The following ROBO1 variants were observed in gnomAD, a reference collection of about 807,000 sequenced individuals.
The protein encoded by ROBO1 is roundabout guidance receptor 1.
A neutral mutation model predicts 195.9 loss-of-function variants in ROBO1; 149 were observed. The ratio of observed to expected loss-of-function variants is 0.76; its 90% CI spans 0.67 to 0.87. The LOEUF (loss-of-function observed/expected upper bound fraction) is 0.87. ROBO1 is among the 40% of genes least tolerant of loss of function. The pLI is 0.00. For missense variants in ROBO1, 1,933 were observed against 2,068.3 expected (o/e 0.93, Z 1.27); for synonymous variants, 816 against 733.2 (o/e 1.11, Z -1.82).
chr3:79,340,220 C>A (rs1010049811), intron 2 of ROBO1, among the ~76,000 whole-genome samples: 4 of 152,202 alleles, frequency 2.6e-5, no homozygotes, highest in Admixed American at 1.3e-4. Flanking sequence ...AGATACTGAA[C>A]TGCCTCAATC....
intron 5 of ROBO1, among the ~76,000 whole-genome samples, chr3:78,726,902 A>G (rs1216892867): frequency 6.6e-6 from 1 of 152,192 alleles, no homozygotes; most frequent in Non-Finnish European, 1.5e-5. Context: ...AACAACAACA[A>G]CAACAACAGT....
At chr3:79,360,552 G>A (rs570214408) in intron 2 of ROBO1, among the ~76,000 whole-genome samples, 2 of 152,062 alleles carry the variant, frequency 1.3e-5, no homozygotes, top group East Asian at 3.9e-4. Flanking sequence ...TAATAACAAT[G>A]ACATTGATGA....
rs2107420594 is a variant in ROBO1 at position 78,896,314 on chromosome 3, C to A, written c.499+42287G>T. 2.0e-5 allele frequency among the ~76,000 whole-genome samples: 3 copies of A among 152,190 alleles called. No individual in the cohort carries two copies. The South Asian group carries it at 6.2e-4, about 32-fold the overall frequency. On this transcript the variant is annotated intron_variant, in intron 4 of 30. Transcript: ENST00000464233. The stretch of plus-strand genomic sequence containing the variant: ...GCTAAGCCATCATATCCCCAGTGAC[C>A]TGCACCTATACATCCAGATGGCCTG...
At chr3:79,511,568 A>G (rs1268413087) in intron 2 of ROBO1, among the ~76,000 whole-genome samples, 1 of 152,172 alleles carries the variant, frequency 6.6e-6, no homozygotes, top group East Asian at 1.9e-4. Flanking sequence ...GCTTAAATAT[A>G]AAAGTTTATT....
intron 3 of ROBO1, among the ~76,000 whole-genome samples, chr3:78,965,960 T>G (rs1211638323): frequency 6.6e-6 from 1 of 152,230 alleles, no homozygotes; most frequent in Non-Finnish European, 1.5e-5. Context: ...TATCTTTAAA[T>G]GCAACAAGCA....
chr3:79,150,028 T>TC (rs2108635575), intron 2 of ROBO1, among the ~76,000 whole-genome samples: 1 of 151,842 alleles, frequency 6.6e-6, no homozygotes, highest in Admixed American at 6.6e-5. Context: ...TATCACTGGG[T>TC]CCTTGTGGAG....
chr3:78,945,452 G>C (rs1216565298), intron 3 of ROBO1, among the ~76,000 whole-genome samples: 1 of 152,160 alleles, frequency 6.6e-6, no homozygotes, highest in Non-Finnish European at 1.5e-5. Context: ...ACCTGCAGCT[G>C]AGGGTCCTGT....
At chr3:79,738,354 T>C (rs1703476856) in intron 1 of ROBO1, among the ~76,000 whole-genome samples, 1 of 152,210 alleles carries the variant, frequency 6.6e-6, no homozygotes, top group African/African-American at 2.4e-5. Context: ...TCTGAATTTT[T>C]ATCTAACACA....
chr3:79,502,381 G>C (rs1027323581), intron 2 of ROBO1, among the ~76,000 whole-genome samples: 1 of 152,196 alleles, frequency 6.6e-6, no homozygotes, highest in African/African-American at 2.4e-5. Context: ...CGGGCAGTGA[G>C]GGGCTTAGCA....
intron 14 of ROBO1, among the ~76,000 whole-genome samples, chr3:78,664,676 A>G (rs1340874332): frequency 1.3e-5 from 2 of 152,170 alleles, no homozygotes; most frequent in Non-Finnish European, 2.9e-5. Context: ...ATTTCTAAGT[A>G]TCTACACTTG....
intron 2 of ROBO1, among the ~76,000 whole-genome samples, chr3:79,505,503 T>C (rs185796175): frequency 3.7e-4 from 57 of 152,292 alleles, no homozygotes; most frequent in Admixed American, 1.6e-3. Context: ...GATGAACTTT[T>C]TCCTGATTTA....
At chr3:79,550,393 G>T (rs1942466553) in intron 2 of ROBO1, among the ~76,000 whole-genome samples, 1 of 152,004 alleles carries the variant, frequency 6.6e-6, no homozygotes, top group Non-Finnish European at 1.5e-5. Flanking sequence ...ATAAGTCAAA[G>T]CACATGGTAA....
chr3:79,163,536 C>G (rs2081010037), intron 2 of ROBO1, among the ~76,000 whole-genome samples: 1 of 151,998 alleles, frequency 6.6e-6, no homozygotes, highest in Non-Finnish European at 1.5e-5. Context: ...TCTTTTGGGT[C>G]TATACCCAAA....
chr3:79,400,449 T>TA (rs943328299), intron 2 of ROBO1, among the ~76,000 whole-genome samples: 41 of 152,222 alleles, frequency 2.7e-4, no homozygotes, highest in African/African-American at 9.4e-4. Context: ...ATGAAAGCAT[T>TA]TTACATTTCC....
intron 2 of ROBO1, among the ~76,000 whole-genome samples, chr3:79,275,707 A>T (rs2030974135): frequency 6.6e-6 from 1 of 151,980 alleles, no homozygotes; most frequent in Non-Finnish European, 1.5e-5. Context: ...GTTGGCAGAT[A>T]ATATGATCTC....
At position 79,314,946 on chromosome 3, in the gene ROBO1, G is replaced by A. The variant is rs138933470; in HGVS notation, c.89-189407C>T. ...AAGAAGAATAGGAAATAATAGAGTT[G>A]GAGAGTGCAGTTTTAGAGTGGATAG... is the stretch of plus-strand genomic sequence containing the variant. On this transcript the variant is annotated intron_variant, in intron 2 of 30. Coordinates refer to ENST00000464233, the MANE Select transcript of ROBO1 (RefSeq NM_002941.4). Among the ~76,000 whole-genome samples the A allele has an allele frequency of 4.6e-3, 706 of 152,292 alleles. 5 individuals carry two copies. Among genetic ancestry groups the A allele is most frequent in the African/African-American group, 0.016 (678 of 41,552 alleles).
At chr3:79,491,388 G>A (rs140297120) in intron 2 of ROBO1, among the ~76,000 whole-genome samples, 105 of 152,304 alleles carry the variant, frequency 6.9e-4, no homozygotes, top group Non-Finnish European at 1.2e-3. Flanking sequence ...CAGTCGGGTT[G>A]TAAGAGTAGT....
At chr3:79,377,291 A>G (rs549196606) in intron 2 of ROBO1, among the ~76,000 whole-genome samples, 6 of 152,346 alleles carry the variant, frequency 3.9e-5, no homozygotes, top group African/African-American at 1.2e-4. Flanking sequence ...TCTGACACCT[A>G]AAGTGTTCTG....
intron 2 of ROBO1, among the ~76,000 whole-genome samples, chr3:79,168,766 A>G (rs1462760194): frequency 6.6e-6 from 1 of 152,178 alleles, no homozygotes; most frequent in African/African-American, 2.4e-5. Flanking sequence ...ACAGGAGTAG[A>G]TAATATATCA....
Sources: gnomAD v4.1 joint callset for allele counts (sites outside exome capture counted in the v4.1 genomes callset) on GRCh38, gnomAD v4.1.1 for gene constraint, MANE v1.5 for transcripts, NCBI Gene and HGNC (gene_info 2026-07-23, HGNC 2026-07-21) for gene names.